SDK1: variants seen among roughly 807,000 people sequenced by gnomAD.
SDK1 encodes sidekick cell adhesion molecule 1.
Under a neutral mutation model 245.5 loss-of-function variants are expected in SDK1, and 157 were observed. That is an observed-to-expected ratio of 0.64 (90% CI 0.56 to 0.73). The LOEUF is 0.73. Ranked by LOEUF, SDK1 falls within the 30% of genes least tolerant of loss-of-function variation. The pLI, the probability that SDK1 is intolerant of heterozygous loss-of-function variation, is 0.00. For missense variants in SDK1, 3,583 were observed against 3,002.3 expected (o/e 1.19, Z -4.52); for synonymous variants, 1,647 against 1,278.5 (o/e 1.29, Z -6.15).
intron 1 of SDK1, among the ~76,000 whole-genome samples, chr7:3,576,929 G>A (rs962934794): frequency 1.1e-4 from 17 of 151,924 alleles, no homozygotes; most frequent in African/African-American, 4.1e-4. Flanking sequence ...TAGCTGGTCG[G>A]GCACCTGAAG....
chr7:4,245,830 G>T lies in SDK1; in HGVS notation c.6381+25G>T, dbSNP rs755609662. On this transcript the variant is annotated intron_variant, in intron 44 of 44. Coordinates refer to ENST00000404826, the MANE Select transcript of SDK1 (RefSeq NM_152744.4). ...GGTCAGTGTCGGTGCCTACTTCCGG[G>T]CAGTGACCATCAGCCCCTACTTCTG... 3 of 1,612,938 alleles carry T rather than the reference G, an allele frequency of 1.9e-6. No individual in the cohort carries two copies. In the South Asian group the frequency reaches 3.3e-5, roughly 18 times the overall value.
intron 7 of SDK1, among the ~76,000 whole-genome samples, chr7:3,955,442 T>C (rs1295146200): frequency 1.3e-5 from 2 of 152,184 alleles, no homozygotes; most frequent in African/African-American, 4.8e-5. Flanking sequence ...AGAGTCTCCC[T>C]ATTTTAAGGT....
chr7:4,205,036 T>C (rs377613060), intron 35 of SDK1, among the ~76,000 whole-genome samples: 1 of 75,270 alleles, frequency 1.3e-5, no homozygotes, highest in Non-Finnish European at 2.6e-5. Flanking sequence ...AACATCCTCA[T>C]GTGTCCTTTG....
chr7:3,329,656 G>A (rs1445363906), intron 1 of SDK1, among the ~76,000 whole-genome samples: 1 of 152,010 alleles, frequency 6.6e-6, no homozygotes, highest in African/African-American at 2.4e-5. Flanking sequence ...GCTTTAACTT[G>A]GTGTGCTGTT....
intron 5 of SDK1, among the ~76,000 whole-genome samples, chr7:3,936,308 A>G (rs1780156496): frequency 6.6e-6 from 1 of 152,208 alleles, no homozygotes; most frequent in East Asian, 1.9e-4. Context: ...TGGGCCGGGC[A>G]CGGTGGCTCA....
chr7:4,076,151 T>C (rs906404175), intron 20 of SDK1, among the ~76,000 whole-genome samples: 17 of 152,188 alleles, frequency 1.1e-4, no homozygotes, highest in South Asian at 1.0e-3. Flanking sequence ...CATTGCAAAA[T>C]GTAAGAGTAA....
chr7:3,340,655 C>G (rs1172846942), intron 1 of SDK1, among the ~76,000 whole-genome samples: 2 of 151,368 alleles, frequency 1.3e-5, no homozygotes, highest in East Asian at 2.0e-4. Flanking sequence ...CCCAGCTACT[C>G]AGGAGGCTGA....
At chr7:4,000,585 T>C (rs1301326019) in intron 14 of SDK1, among the ~76,000 whole-genome samples, 6 of 152,214 alleles carry the variant, frequency 3.9e-5, no homozygotes, top group African/African-American at 1.4e-4. Context: ...CCGCTCTCCA[T>C]GAAAGCTGCT....
At chr7:3,688,845 T>C (rs1784362072) in intron 4 of SDK1, among the ~76,000 whole-genome samples, 1 of 152,154 alleles carries the variant, frequency 6.6e-6, no homozygotes, top group South Asian at 2.1e-4. Flanking sequence ...CCAATCCATG[T>C]CCTGTGTCCT....
In SDK1 at chr7:4,268,443, C is replaced by A. The variant is rs974638177; in HGVS notation, c.*3059C>A. ...GCCTCGCCTTCAGCCTCTCTCCCAG[C>A]CTGCTTTTATAAGGCGCACTTCACT... On this transcript the variant is annotated 3_prime_UTR_variant, in exon 45 of 45. Coordinates refer to ENST00000404826, the MANE Select transcript of SDK1 (RefSeq NM_152744.4). 1 of 1,127,356 alleles carries A rather than the reference C, an allele frequency of 8.9e-7. No individual in the cohort carries two copies. Among genetic ancestry groups the A allele is most frequent in the East Asian group, 7.0e-5 (1 of 14,336 alleles). The allele number at this position is 1,127,356 out of a possible 1,614,324, so 69.8% of individuals were successfully genotyped here.
At chr7:3,871,035 A>C (rs78130307) in intron 5 of SDK1, among the ~76,000 whole-genome samples, 2 of 152,326 alleles carry the variant, frequency 1.3e-5, no homozygotes, top group East Asian at 1.9e-4. Flanking sequence ...GTCCACGAAC[A>C]TGCTGTACCT....
Position 3,433,324 on chromosome 7 carries a change from A to C in SDK1, c.298+131440A>C, listed in dbSNP as rs189395215. ...CACTTCAAAAGGTGTGTGTTAGTTG[A>C]TATTTGGTTTAGTCATTTCGTCTCT... On this transcript the variant is annotated intron_variant, in intron 1 of 44. Coordinates refer to ENST00000404826, the MANE Select transcript of SDK1 (RefSeq NM_152744.4). Among the ~76,000 whole-genome samples, 5 of 152,298 alleles carry C rather than the reference A, an allele frequency of 3.3e-5. No individual in the cohort carries two copies. In the East Asian group the frequency reaches 9.6e-4, roughly 29 times the overall value.
chr7:3,514,549 A>G (rs1262597286), intron 1 of SDK1, among the ~76,000 whole-genome samples: 2 of 152,130 alleles, frequency 1.3e-5, no homozygotes, highest in Non-Finnish European at 2.9e-5. Flanking sequence ...ACTGCTCGCC[A>G]TTCACCTCGT....
At chr7:3,699,927 A>G (rs944625410) in intron 4 of SDK1, among the ~76,000 whole-genome samples, 3 of 152,216 alleles carry the variant, frequency 2.0e-5, no homozygotes, top group African/African-American at 7.2e-5. Flanking sequence ...ACTAAGGACA[A>G]AGAAAAAAAA....
At chr7:3,810,021 G>A (rs2115045990) in intron 4 of SDK1, among the ~76,000 whole-genome samples, 1 of 152,276 alleles carries the variant, frequency 6.6e-6, no homozygotes, top group African/African-American at 2.4e-5. Flanking sequence ...GCTGTGTCTT[G>A]CTTAGCCATG....
intron 1 of SDK1, among the ~76,000 whole-genome samples, chr7:3,465,322 T>TGGAGTA (rs1780964315): frequency 6.6e-6 from 1 of 151,978 alleles, no homozygotes; most frequent in Non-Finnish European, 1.5e-5. Context: ...CCATAACACA[T>TGGAGTA]ACAAATTAAA....
At position 3,728,794 on chromosome 7, in the gene SDK1, C is replaced by T. The variant is rs140905623; in HGVS notation, c.713+86689C>T. ...CTAATTTTTGTATTTTTAGTAGAGGCGGGGTTTCACCATGTTGGTCAGGCT... is the reference window on the plus strand; with the variant it reads ...CTAATTTTTGTATTTTTAGTAGAGGTGGGGTTTCACCATGTTGGTCAGGCT... On this transcript the variant is annotated intron_variant, in intron 4 of 44. Transcript: ENST00000404826. 3.9e-3 allele frequency among the ~76,000 whole-genome samples: 596 copies of T among 152,112 alleles called. 10 individuals are homozygous for T. The highest frequency in any genetic ancestry group is 0.013 in the African/African-American group (549 of 41,496).
At chr7:3,619,019 A>G (rs1387622800) in intron 1 of SDK1, 61 bp from the exon 2 acceptor site, 1 of 1,283,084 alleles carries the variant, frequency 7.8e-7, no homozygotes, top group African/African-American at 1.5e-5. Context: ...TTATTAAATT[A>G]GATGAGTGCC....
At chr7:3,597,701 G>C (rs1781110746) in intron 1 of SDK1, among the ~76,000 whole-genome samples, 1 of 152,090 alleles carries the variant, frequency 6.6e-6, no homozygotes, top group Non-Finnish European at 1.5e-5. Context: ...AGGGGAGAGG[G>C]GCTCAGTGCA....
Sources: allele counts gnomAD v4.1 joint callset (sites outside exome capture counted in the v4.1 genomes callset), GRCh38; gene constraint gnomAD v4.1.1; transcripts MANE v1.5; gene names NCBI Gene and HGNC (gene_info 2026-07-23, HGNC 2026-07-21).